Variants in SCUBE1 observed in about 807,000 individuals in gnomAD.
The protein encoded by SCUBE1 is signal peptide, CUB and EGF-like domain-containing protein 1.
A neutral mutation model predicts 124.4 loss-of-function variants in SCUBE1; 59 were observed. The ratio of observed to expected loss-of-function variants is 0.47; its 90% CI spans 0.38 to 0.59. The LOEUF (loss-of-function observed/expected upper bound fraction) is 0.59. SCUBE1 is among the 20% of genes least tolerant of loss of function. The pLI is 0.00. For synonymous variants in SCUBE1, 545 were observed against 550.9 expected, an observed-to-expected ratio of 0.99 and a Z score of 0.15; for missense variants, 1,150 against 1,371.2, an observed-to-expected ratio of 0.84 and a Z score of 2.55.
intron 4 of SCUBE1, among the ~76,000 whole-genome samples, chr22:43,277,824 G>A (rs982005494): frequency 1.2e-4 from 19 of 152,304 alleles, no homozygotes; most frequent in African/African-American, 4.3e-4. Context: ...TTTAATTCTC[G>A]TAAACAATTC....
In SCUBE1 at chr22:43,210,976, G is replaced by A; in HGVS notation, c.2329C>T (p.Pro777Ser). Residue 777 changes from proline to serine, a missense_variant, in exon 18 of 22, where the codon CCG (proline) becomes TCG (serine). Physicochemically the swap from Pro to Ser is moderately conservative, Grantham distance 74. This residue lies in a region of SCUBE1 where 757 missense variants were observed against 840.9 expected (regional missense o/e 0.90). Coordinates refer to ENST00000360835, the MANE Select transcript of SCUBE1 (RefSeq NM_173050.5). The surrounding 1 kb of genome is among the most constrained non-coding windows in gnomAD (Gnocchi z 4.5). Reference protein sequence around the residue: ...EFGQNHCITCPGNTSTDFDGS... With the variant: ...EFGQNHCITCSGNTSTDFDGS... ...TCGAAGTCTGTGCTGGTGTTGCCCGGACAGGTGATGCAGTGGTTCTGGCCA... is the reference window on the plus strand; with the variant it reads ...TCGAAGTCTGTGCTGGTGTTGCCCGAACAGGTGATGCAGTGGTTCTGGCCA... 6.2e-7 allele frequency: 1 copy of A among 1,614,162 alleles called. No individual in the cohort carries two copies. The highest frequency in any genetic ancestry group is 8.5e-7 in the Non-Finnish European group (1 of 1,180,030).
At chr22:43,248,720 C>T (rs970680042) in intron 6 of SCUBE1, among the ~76,000 whole-genome samples, 1 of 152,238 alleles carries the variant, frequency 6.6e-6, no homozygotes, top group African/African-American at 2.4e-5. Flanking sequence ...CTGATGAGCA[C>T]TGGGCCTGGG....
intron 7 of SCUBE1, chr22:43,232,213 C>T: frequency 3.8e-6 from 1 of 260,272 alleles, no homozygotes. Flanking sequence ...CTCCCATGTC[C>T]TCTCTTCTGC....
chr22:43,289,067 G>A (rs969542994), intron 4 of SCUBE1, among the ~76,000 whole-genome samples: 1 of 152,238 alleles, frequency 6.6e-6, no homozygotes, highest in Non-Finnish European at 1.5e-5. Flanking sequence ...GCTCCACCTG[G>A]AGTCCTGCTG....
At chr22:43,289,691 G>A (rs929944056) in intron 4 of SCUBE1, among the ~76,000 whole-genome samples, 1 of 152,288 alleles carries the variant, frequency 6.6e-6, no homozygotes, top group South Asian at 2.1e-4. Flanking sequence ...CTCATCCCAT[G>A]GTCCTGCTCC....
At position 43,210,875 on chromosome 22, in the gene SCUBE1, G is replaced by A. The variant is rs1365105435; in HGVS notation, c.2383+47C>T. The stretch of plus-strand genomic sequence containing the variant: ...TCCTCCCGCCCCCACAACCTGCCCA[G>A]CCCCTCCCGTGTTCCCAGCTTCCCA... On this transcript the variant is annotated intron_variant, in intron 18 of 21. Coordinates refer to ENST00000360835, the MANE Select transcript of SCUBE1 (RefSeq NM_173050.5). This position sits in a 1 kb window ranked among gnomAD's most constrained non-coding sequence, Gnocchi z 4.5. 1 of 1,588,432 alleles carries A rather than the reference G, an allele frequency of 6.3e-7. No individual in the cohort carries two copies. Among genetic ancestry groups the A allele is most frequent in the South Asian group, 1.1e-5 (1 of 90,464 alleles).
At position 43,210,838 on chromosome 22, in the gene SCUBE1, T is replaced by A; in HGVS notation, c.2383+84A>T. Reference sequence around the variant, plus strand: ...GTCCAGTGTCCTCGTGGAGCTCGTGTGAGATCAGGTCTCCTCCCGCCCCCA... The same window carrying A: ...GTCCAGTGTCCTCGTGGAGCTCGTGAGAGATCAGGTCTCCTCCCGCCCCCA... On this transcript the variant is annotated intron_variant, in intron 18 of 21. Transcript: ENST00000360835. The surrounding 1 kb of genome is among the most constrained non-coding windows in gnomAD (Gnocchi z 4.5). 6.8e-7 allele frequency: 1 copy of A among 1,477,716 alleles called. No homozygotes were observed. The highest frequency in any genetic ancestry group is 1.7e-5 in the Admixed American group (1 of 58,646). The allele number at this position is 1,477,716 out of a possible 1,614,324, so 91.5% of individuals were successfully genotyped here.
intron 6 of SCUBE1, among the ~76,000 whole-genome samples, chr22:43,239,477 C>CT (rs1922911821): frequency 6.6e-6 from 1 of 152,284 alleles, no homozygotes; most frequent in Admixed American, 6.5e-5. Flanking sequence ...CTTGATGAGG[C>CT]TTTCAGCCCA....
intron 4 of SCUBE1, among the ~76,000 whole-genome samples, chr22:43,289,138 C>T (rs1427599626): frequency 5.9e-5 from 9 of 152,268 alleles, no homozygotes; most frequent in African/African-American, 1.2e-4. Flanking sequence ...AGGAGGCTCA[C>T]GCCACCCTGG....
chr22:43,241,627 C>T (rs924284546), intron 6 of SCUBE1, among the ~76,000 whole-genome samples: 1 of 152,090 alleles, frequency 6.6e-6, no homozygotes, highest in South Asian at 2.1e-4. Context: ...TGCCCCAAGC[C>T]GAAGACGAGG....
chr22:43,327,510 G>C (rs568235324), intron 2 of SCUBE1, among the ~76,000 whole-genome samples: 1 of 152,164 alleles, frequency 6.6e-6, no homozygotes, highest in South Asian at 2.1e-4. Context: ...CATTGGACTC[G>C]GCAGGGTAGC....
At chr22:43,251,799 G>A (rs553332879) in intron 6 of SCUBE1, among the ~76,000 whole-genome samples, 16 of 152,310 alleles carry the variant, frequency 1.1e-4, no homozygotes, top group African/African-American at 3.4e-4. Context: ...CTGAGATTGC[G>A]GGAATCTGTT....
chr22:43,228,695 T>TTGCCCCTCTACTC (rs989851660), intron 9 of SCUBE1, among the ~76,000 whole-genome samples: 6 of 152,042 alleles, frequency 3.9e-5, no homozygotes, highest in Admixed American at 1.3e-4. Flanking sequence ...GGATCCCGAA[T>TTGCCCCTCTACTC]TGCCCCTCTA....
chr22:43,237,068 G>A (rs1601818946), intron 7 of SCUBE1, among the ~76,000 whole-genome samples: 2 of 149,750 alleles, frequency 1.3e-5, no homozygotes, highest in East Asian at 2.0e-4. Context: ...CTGGTGAAAG[G>A]GCCCCGACCG....
intron 4 of SCUBE1, chr22:43,282,662 C>T (rs1398624638): frequency 6.6e-6 from 1 of 152,168 alleles, no homozygotes; most frequent in African/African-American, 2.4e-5. Flanking sequence ...TTGGCCACCA[C>T]CTCAGAAGCC....
intron 5 of SCUBE1, among the ~76,000 whole-genome samples, chr22:43,260,733 A>C (rs972982535): frequency 1.3e-5 from 2 of 152,180 alleles, no homozygotes; most frequent in African/African-American, 4.8e-5. Context: ...TCAGCCACCC[A>C]CGGAGAGGGT....
chr22:43,231,642 C>T, intron 8 of SCUBE1, 111 bp downstream of exon 8: 4 of 1,372,994 alleles, frequency 2.9e-6, no homozygotes, highest in Admixed American at 4.1e-5. Context: ...TCCCTCGGGC[C>T]CAGCCCCATC....
At chr22:43,338,392 G>A (rs1052443620) in intron 2 of SCUBE1, among the ~76,000 whole-genome samples, 1 of 152,222 alleles carries the variant, frequency 6.6e-6, no homozygotes, top group Non-Finnish European at 1.5e-5. Context: ...GACCTACAGG[G>A]TGGTTTTGAA....
At chr22:43,279,285 GC>G (rs1230505837) in intron 4 of SCUBE1, among the ~76,000 whole-genome samples, 2 of 152,222 alleles carry the variant, frequency 1.3e-5, no homozygotes, top group Admixed American at 6.5e-5. Context: ...GGGGGCTCAG[GC>G]CCCAGAGGCA....
Sources: allele counts gnomAD v4.1 joint callset (sites outside exome capture counted in the v4.1 genomes callset), GRCh38; gene constraint gnomAD v4.1.1; regional missense constraint gnomAD v4.1.1; non-coding constraint Gnocchi (gnomAD v3.1); transcripts MANE v1.5; gene names NCBI Gene and HGNC (gene_info 2026-07-23, HGNC 2026-07-21).